RPS6KA5: variants seen among roughly 807,000 people sequenced by gnomAD.
The protein encoded by RPS6KA5 is ribosomal protein S6 kinase alpha-5.
RPS6KA5 carries 27 observed loss-of-function variants against 85.5 expected under a neutral mutation model. The ratio of observed to expected loss-of-function variants is 0.32; its 90% CI spans 0.23 to 0.44. The LOEUF (loss-of-function observed/expected upper bound fraction) is 0.44. RPS6KA5 is among the 20% of genes least tolerant of loss of function. RPS6KA5 has a pLI of 1.00. For missense variants in RPS6KA5, 811 were observed against 980.9 expected (o/e 0.83, Z 2.31); for synonymous variants, 334 against 348.2 (o/e 0.96, Z 0.46).
chr14:90,942,632 T>G (rs567664684), intron 5 of RPS6KA5, among the ~76,000 whole-genome samples: 1 of 152,344 alleles, frequency 6.6e-6, no homozygotes, highest in East Asian at 1.9e-4. Flanking sequence ...AAATTGGGTC[T>G]AGTAGATCTC....
rs868057545 is a variant in RPS6KA5 at position 90,983,837 on chromosome 14, C to T, written c.176-5313G>A. On this transcript the variant is annotated intron_variant, in intron 2 of 16. Transcript: ENST00000614987. The stretch of plus-strand genomic sequence containing the variant: ...TCTCTGTCTCTCTCTCTCTCTCTCT[C>T]TCTTTCTTTTTTTCTTTCTTTCTTT... Among the ~76,000 whole-genome samples the T allele has an allele frequency of 9.4e-3, 1,288 of 137,714 alleles. 34 individuals are homozygous for T. The highest frequency in any genetic ancestry group is 0.037 in the African/African-American group (1,206 of 32,392). The allele number at this position is 137,714 out of a possible 152,430, so 90.3% of individuals were successfully genotyped here.
intron 1 of RPS6KA5, among the ~76,000 whole-genome samples, chr14:91,044,867 CAA>C (rs748430714): frequency 1.4e-4 from 10 of 70,382 alleles, no homozygotes; most frequent in Admixed American, 1.7e-4. Context: ...CGAGACGTGT[CAA>C]AAAAAAAAAA....
chr14:90,964,248 C>T (rs1472123749), intron 3 of RPS6KA5, among the ~76,000 whole-genome samples: 1 of 152,118 alleles, frequency 6.6e-6, no homozygotes, highest in Non-Finnish European at 1.5e-5. Context: ...CTGCACATAC[C>T]GGCTATGTAG....
chr14:90,880,831 CTTTT>C (rs560458875), intron 14 of RPS6KA5, among the ~76,000 whole-genome samples: 1 of 132,462 alleles, frequency 7.5e-6, no homozygotes. Flanking sequence ...CTTTTGTAAA[CTTTT>C]TTTTTTTTTT....
intron 1 of RPS6KA5, among the ~76,000 whole-genome samples, chr14:91,038,749 T>C (rs1031155310): frequency 2.6e-5 from 4 of 152,212 alleles, no homozygotes; most frequent in Admixed American, 2.0e-4. Context: ...ACTTCTGTCT[T>C]CCAAATCTCA....
intron 5 of RPS6KA5, among the ~76,000 whole-genome samples, chr14:90,936,925 C>G (rs1434322892): frequency 6.6e-6 from 1 of 151,988 alleles, no homozygotes; most frequent in Non-Finnish European, 1.5e-5. Flanking sequence ...GTTTGAGGAG[C>G]CTGTGAAAGT....
At chr14:90,984,851 C>G (rs942026480) in intron 2 of RPS6KA5, among the ~76,000 whole-genome samples, 1 of 152,224 alleles carries the variant, frequency 6.6e-6, no homozygotes, top group Non-Finnish European at 1.5e-5. Flanking sequence ...ATTTTTTAAG[C>G]CAAGCCAAAG....
intron 2 of RPS6KA5, among the ~76,000 whole-genome samples, chr14:90,980,704 T>C (rs1035459254): frequency 6.6e-6 from 1 of 152,252 alleles, no homozygotes. Flanking sequence ...GTGGTCTACC[T>C]GCTTCACTTA....
intron 3 of RPS6KA5, among the ~76,000 whole-genome samples, chr14:90,953,212 T>C (rs60039315): frequency 0.046 from 7,034 of 152,300 alleles, 424 homozygotes; most frequent in African/African-American, 0.12. Context: ...TCCCAAATAA[T>C]ACTTTTATAA....
At position 90,979,529 on chromosome 14, in the gene RPS6KA5, T is replaced by C. The variant is rs142948153; in HGVS notation, c.176-1005A>G. On this transcript the variant is annotated intron_variant, in intron 2 of 16. Transcript: ENST00000614987. Reference sequence around the variant, plus strand: ...GATCAATATTCACACTCTATGGCATTTACCACCTAATTCTATTGTAATCCA... The same window carrying C: ...GATCAATATTCACACTCTATGGCATCTACCACCTAATTCTATTGTAATCCA... Among the ~76,000 whole-genome samples, 3 of 152,310 alleles carry C rather than the reference T, an allele frequency of 2.0e-5. No individual in the cohort carries two copies. The East Asian group carries it at 5.8e-4, about 29-fold the overall frequency.
intron 1 of RPS6KA5, among the ~76,000 whole-genome samples, chr14:91,048,062 G>A (rs1386512237): frequency 6.6e-6 from 1 of 152,172 alleles, no homozygotes; most frequent in Non-Finnish European, 1.5e-5. Flanking sequence ...TGCCATGTAA[G>A]ACAACATGTT....
At chr14:90,899,966 G>C in intron 11 of RPS6KA5, 142 bp downstream of exon 11, 1 of 531,556 alleles carries the variant, frequency 1.9e-6, no homozygotes, top group Non-Finnish European at 3.0e-6. Flanking sequence ...AAGTATAATG[G>C]ACCAACTGAT....
chr14:90,889,642 C>A (rs1326556860), intron 14 of RPS6KA5, among the ~76,000 whole-genome samples: 1 of 151,944 alleles, frequency 6.6e-6, no homozygotes, highest in Non-Finnish European at 1.5e-5. Flanking sequence ...TGAAAAAAAG[C>A]TAACTGCTTA....
In RPS6KA5 at chr14:91,030,611, GAAAAAAAAAA is replaced by G. The variant is rs58737573; in HGVS notation, c.104-29462_104-29453del. Among the ~76,000 whole-genome samples the G allele has an allele frequency of 3.9e-3, 87 of 22,084 alleles. 1 individual carries two copies. The highest frequency in any genetic ancestry group is 8.4e-3 in the African/African-American group (65 of 7,740). The allele number at this position is 22,084 out of a possible 152,430, so 14.5% of individuals were successfully genotyped here. A position where few individuals can be genotyped will look rare whatever the true frequency, so the allele number is the denominator to read the frequency against. On this transcript the variant is annotated intron_variant, in intron 1 of 16. Transcript: ENST00000614987. ...AACATGCAAGACACCAAAATAAACAGAAAAAAAAAAAAAAAAAAAAAAAAAAAAGGAAGTT... is the reference window on the plus strand; with the variant it reads ...AACATGCAAGACACCAAAATAAACAGAAAAAAAAAAAAAAAAAAGGAAGTT...
Position 90,983,064 on chromosome 14 carries a change from G to A in RPS6KA5, c.176-4540C>T, listed in dbSNP as rs371921096. On this transcript the variant is annotated intron_variant, in intron 2 of 16. Coordinates refer to ENST00000614987, the MANE Select transcript of RPS6KA5 (RefSeq NM_004755.4). ...GGAGGTGGAGCTTGCAGTGAGCCAA[G>A]ATCGTGCCACTGCACTCCGGCCTGG... 3.3e-3 allele frequency among the ~76,000 whole-genome samples: 502 copies of A among 151,334 alleles called. 5 individuals are homozygous for A. The highest frequency in any genetic ancestry group is 0.011 in the African/African-American group (459 of 41,154).
At chr14:90,923,044 G>C (rs1185534104) in intron 6 of RPS6KA5, 69 bp downstream of exon 6, 3 of 1,156,668 alleles carry the variant, frequency 2.6e-6, no homozygotes, top group Admixed American at 3.7e-5. Flanking sequence ...GATGACCTAA[G>C]TTGTTAACTA....
At chr14:91,016,311 A>T (rs1044117091) in intron 1 of RPS6KA5, among the ~76,000 whole-genome samples, 1 of 152,134 alleles carries the variant, frequency 6.6e-6, no homozygotes, top group African/African-American at 2.4e-5. Flanking sequence ...CCTGGGCTCA[A>T]GAGATCCTCC....
chr14:90,887,890 G>A (rs1457307057), intron 14 of RPS6KA5, among the ~76,000 whole-genome samples: 2 of 135,996 alleles, frequency 1.5e-5, no homozygotes, highest in African/African-American at 2.7e-5. Flanking sequence ...TGAGCCTGCA[G>A]TGAGCTATGA....
chr14:90,925,243 T>C (rs2036595013), intron 5 of RPS6KA5, among the ~76,000 whole-genome samples: 1 of 151,996 alleles, frequency 6.6e-6, no homozygotes, highest in Non-Finnish European at 1.5e-5. Context: ...GAAACTTGAG[T>C]TTTAATACCC....
Sources: allele counts gnomAD v4.1 joint callset (sites outside exome capture counted in the v4.1 genomes callset), GRCh38; gene constraint gnomAD v4.1.1; transcripts MANE v1.5; gene names NCBI Gene and HGNC (gene_info 2026-07-23, HGNC 2026-07-21).